Variants in NUP54 observed in about 807,000 individuals in gnomAD.
The protein encoded by NUP54 is nucleoporin 54, also known as nucleoporin p54.
NUP54 carries 27 observed loss-of-function variants against 66.4 expected under a neutral mutation model. The observed-to-expected ratio is 0.41, with a 90% CI of 0.30 to 0.56. The LOEUF (loss-of-function observed/expected upper bound fraction) is 0.56. Among genes scored for constraint, NUP54 ranks in the 20% least tolerant of loss-of-function variants. NUP54 has a pLI of 0.34. For synonymous variants in NUP54, 206 were observed against 210.7 expected, an observed-to-expected ratio of 0.98 and a Z score of 0.19; for missense variants, 486 against 596.3, an observed-to-expected ratio of 0.82 and a Z score of 1.93.
At position 76,130,626 on chromosome 4, in the gene NUP54, G is replaced by A. The variant is rs745510233; in HGVS notation, c.1056+30C>T. 5.6e-6 allele frequency: 8 copies of A among 1,438,720 alleles called. No homozygotes were observed. The Admixed American group carries it at 1.3e-4, about 24-fold the overall frequency. 89.1% of individuals were successfully genotyped at this position (1,438,720 alleles called of 1,614,324 possible). ...TCTATAATCCCTTTCCCTACTTCCAGGGCCAGGGAATAAAAAGCTAAATGC... is the reference window on the plus strand; with the variant it reads ...TCTATAATCCCTTTCCCTACTTCCAAGGCCAGGGAATAAAAAGCTAAATGC... On this transcript the variant is annotated intron_variant, in intron 8 of 11. Transcript: ENST00000264883.
chr4:76,147,506 T>G (rs797018063), intron 1 of NUP54: 2 of 1,289,678 alleles, frequency 1.6e-6, no homozygotes. Context: ...TTACCAAAAT[T>G]GAACGGAGTC....
chr4:76,130,583 A>T (rs866213301), intron 8 of NUP54, 73 bp downstream of exon 8: 10 of 979,342 alleles, frequency 1.0e-5, no homozygotes, highest in Middle Eastern at 2.1e-4. Context: ...TAGCACATAT[A>T]CTAAAAAGAA....
intron 6 of NUP54, among the ~76,000 whole-genome samples, chr4:76,132,081 A>G (rs1730827621): frequency 6.6e-6 from 1 of 152,194 alleles, no homozygotes; most frequent in Admixed American, 6.5e-5. Flanking sequence ...GATTAAACAT[A>G]GTACCATAAA....
At position 76,148,380 on chromosome 4, in the gene NUP54, G is replaced by A. The variant is rs887787237; in HGVS notation, c.-6C>T. 2.0e-6 allele frequency: 3 copies of A among 1,528,456 alleles called. No homozygotes were observed. The highest frequency in any genetic ancestry group is 2.1e-5 in the Admixed American group (1 of 48,064). The allele number at this position is 1,528,456 out of a possible 1,614,324, so 94.7% of individuals were successfully genotyped here. A position where few individuals can be genotyped will look rare whatever the true frequency, so the allele number is the denominator to read the frequency against. Reference sequence around the variant, plus strand: ...GCCCCAAAATTGAAGGCCATGTCGCGAAAGCAGGAGACCAAGTAGGTTACT... The same window carrying A: ...GCCCCAAAATTGAAGGCCATGTCGCAAAAGCAGGAGACCAAGTAGGTTACT... On this transcript the variant is annotated 5_prime_UTR_variant, in exon 1 of 12. Transcript: ENST00000264883.
chr4:76,120,482 T>C (rs533053750), intron 9 of NUP54, among the ~76,000 whole-genome samples: 23 of 146,772 alleles, frequency 1.6e-4, no homozygotes, highest in African/African-American at 5.1e-4. Context: ...CAAGCTGGAG[T>C]GCAGTGCCGT....
intron 11 of NUP54, among the ~76,000 whole-genome samples, chr4:76,116,774 G>A (rs1729969366): frequency 6.6e-6 from 1 of 152,134 alleles, no homozygotes; most frequent in South Asian, 2.1e-4. Context: ...CTGGAGTAAG[G>A]ACTGAAATTT....
intron 10 of NUP54, 135 bp from the exon 11 acceptor site, chr4:76,117,909 A>G: frequency 1.0e-6 from 1 of 979,908 alleles, no homozygotes; most frequent in South Asian, 1.6e-5. Context: ...TATTCGAAAC[A>G]CTAATACTAG....
chr4:76,147,587 C>T (rs1365059501), intron 1 of NUP54: 1 of 1,289,734 alleles, frequency 7.8e-7, no homozygotes, highest in South Asian at 1.2e-5. Flanking sequence ...AATCCGAAAC[C>T]CCCAAAATTA....
At chr4:76,131,155 A>T (rs1381419774) in intron 7 of NUP54, 75 bp downstream of exon 7, 12 of 887,924 alleles carry the variant, frequency 1.4e-5, no homozygotes, top group Non-Finnish European at 2.2e-5. Flanking sequence ...AAGAATTATA[A>T]TTAATAGCTC....
intron 3 of NUP54, among the ~76,000 whole-genome samples, chr4:76,140,405 C>T (rs893395904): frequency 2.6e-5 from 4 of 151,298 alleles, no homozygotes; most frequent in Non-Finnish European, 5.9e-5. Flanking sequence ...CATGTCTCAG[C>T]CTCCCGAGTA....
chr4:76,147,679 G>A (rs748122857), intron 1 of NUP54: 1 of 1,260,594 alleles, frequency 7.9e-7, no homozygotes, highest in South Asian at 1.3e-5. Flanking sequence ...ATTTTAAAAA[G>A]GGGGAGAGGG....
chr4:76,132,442 C>A, intron 6 of NUP54, 81 bp downstream of exon 6: 16 of 1,062,606 alleles, frequency 1.5e-5, no homozygotes, highest in East Asian at 7.9e-5. Flanking sequence ...CATTAATAAC[C>A]AACCAACACC....
intron 10 of NUP54, 117 bp downstream of exon 10, chr4:76,117,958 T>A: frequency 8.8e-7 from 1 of 1,138,080 alleles, no homozygotes; most frequent in Non-Finnish European, 1.3e-6. Context: ...AGAAAGGAAG[T>A]TCTAATTGGA....
In NUP54 at chr4:76,124,638, C is replaced by T. The variant is rs762890170; in HGVS notation, c.1164+11G>A. The T allele has an allele frequency of 7.9e-6, 11 of 1,392,190 alleles. No homozygotes were observed. The highest frequency in any genetic ancestry group is 5.3e-5 in the Admixed American group (3 of 57,112). The allele number at this position is 1,392,190 out of a possible 1,614,324, so 86.2% of individuals were successfully genotyped here. ...CTTATAAACACTGGGGGGGAAAATC[C>T]AAATTACTACCTGTAAAGTTCTATG... On this transcript the variant is annotated intron_variant, in intron 9 of 11. Transcript: ENST00000264883.
At chr4:76,134,507 T>C in intron 4 of NUP54, 145 bp from the exon 5 acceptor site, 1 of 709,222 alleles carries the variant, frequency 1.4e-6, no homozygotes, top group East Asian at 2.8e-5. Context: ...CCCACCATTT[T>C]GTGCCCTAGG....
At chr4:76,140,145 C>A (rs907516402) in intron 3 of NUP54, among the ~76,000 whole-genome samples, 12 of 151,884 alleles carry the variant, frequency 7.9e-5, no homozygotes, top group African/African-American at 2.7e-4. Flanking sequence ...TAATCAACAG[C>A]ACATGCGCCC....
intron 8 of NUP54, among the ~76,000 whole-genome samples, chr4:76,125,865 G>GGAGAGA (rs72044977): frequency 0.18 from 16,091 of 89,780 alleles, 2,027 homozygotes; most frequent in East Asian, 0.46. Context: ...GGAGGGGGAG[G>GGAGAGA]GAGAGAGAGA....
intron 9 of NUP54, 56 bp downstream of exon 9, chr4:76,124,593 C>T (rs1730377089): frequency 3.1e-6 from 2 of 647,024 alleles, no homozygotes; most frequent in East Asian, 2.9e-5. Context: ...ATATTTAGTA[C>T]ATTATTTCAC....
intron 3 of NUP54, among the ~76,000 whole-genome samples, chr4:76,138,058 A>T (rs977120123): frequency 2.6e-5 from 4 of 152,230 alleles, no homozygotes; most frequent in African/African-American, 7.2e-5. Flanking sequence ...TCAGCTCTAA[A>T]CATTGAAAGT....
Sources: allele counts gnomAD v4.1 joint callset (sites outside exome capture counted in the v4.1 genomes callset), GRCh38; gene constraint gnomAD v4.1.1; transcripts MANE v1.5; gene names NCBI Gene and HGNC (gene_info 2026-07-23, HGNC 2026-07-21).